HK1: variants seen among roughly 807,000 people sequenced by gnomAD.
HK1 encodes hexokinase 1, also known as hexokinase-1.
HK1 carries 28 observed loss-of-function variants against 91.6 expected under a neutral mutation model. The ratio of observed to expected loss-of-function variants is 0.31; its 90% CI spans 0.23 to 0.42. HK1 has a LOEUF of 0.42. HK1 is among the 10% of genes least tolerant of loss of function. The pLI is 1.00. For missense variants in HK1, 770 were observed against 1,219.8 expected (o/e 0.63, Z 5.49); for synonymous variants, 430 against 468.1 (o/e 0.92, Z 1.05).
intron 1 of HK1, among the ~76,000 whole-genome samples, chr10:69,281,669 T>C (rs1368353824): frequency 6.6e-6 from 1 of 152,218 alleles, no homozygotes; most frequent in African/African-American, 2.4e-5. Context: ...CTCCAGAGAA[T>C]GTAAGCTCCA....
At chr10:69,300,841 A>G in exon 5 of HK1, 1 of 1,602,178 alleles carries the variant, frequency 6.2e-7, no homozygotes, top group Non-Finnish European at 8.6e-7. Flanking sequence ...AAAGATGGCA[A>G]AAAGAGCCCT....
intron 1 of HK1, among the ~76,000 whole-genome samples, chr10:69,331,714 A>G (rs934914299): frequency 4.6e-5 from 7 of 151,460 alleles, no homozygotes; most frequent in African/African-American, 1.7e-4. Context: ...ATCTCTGCAA[A>G]TAATTAAAAA....
chr10:69,338,495 T>C (rs1848111687), intron 1 of HK1: 2 of 1,287,890 alleles, frequency 1.6e-6, no homozygotes, highest in Non-Finnish European at 2.0e-6. Flanking sequence ...TGTCTTCTGA[T>C]AGATGGTCCA....
chr10:69,300,092 G>A (rs1303789797), intron 4 of HK1, among the ~76,000 whole-genome samples: 4 of 151,664 alleles, frequency 2.6e-5, no homozygotes, highest in African/African-American at 9.8e-5. Flanking sequence ...GAGCCACCAT[G>A]CCCGGCTGTT....
chr10:69,272,552 C>CT (rs1844222118), intron 1 of HK1, among the ~76,000 whole-genome samples: 2 of 152,012 alleles, frequency 1.3e-5, no homozygotes, highest in Admixed American at 1.3e-4. Context: ...TAGTTTGGTA[C>CT]TTTTTTCCTC....
At chr10:69,332,779 A>G (rs1847802737) in intron 1 of HK1, among the ~76,000 whole-genome samples, 1 of 152,132 alleles carries the variant, frequency 6.6e-6, no homozygotes, top group Admixed American at 6.5e-5. Flanking sequence ...TGGAAAGTGT[A>G]CACAACTGTA....
chr10:69,351,910 T>C (rs77602252), intron 2 of HK1, among the ~76,000 whole-genome samples: 10,576 of 152,194 alleles, frequency 0.069, 616 homozygotes, highest in South Asian at 0.2. Context: ...AGCTGATGGA[T>C]GGTCAAATAA....
chr10:69,367,675 C>A (rs1176200435), intron 4 of HK1, among the ~76,000 whole-genome samples: 1 of 151,934 alleles, frequency 6.6e-6, no homozygotes, highest in Non-Finnish European at 1.5e-5. Flanking sequence ...GGCCCATGTG[C>A]TCAGAATGCT....
intron 17 of HK1, among the ~76,000 whole-genome samples, chr10:69,400,339 C>A (rs2132982547): frequency 6.6e-6 from 1 of 152,326 alleles, no homozygotes; most frequent in East Asian, 1.9e-4. Context: ...TCAGCCTGGC[C>A]CTGCCCTTCA....
intron 2 of HK1, among the ~76,000 whole-genome samples, chr10:69,357,009 G>C (rs930061895): frequency 1.3e-5 from 2 of 151,888 alleles, no homozygotes; most frequent in African/African-American, 2.4e-5. Context: ...TTAGTCATCA[G>C]AGAAATGCAA....
At chr10:69,382,843 A>G (rs778453585) in intron 10 of HK1, 52 bp downstream of exon 10, 13 of 1,577,232 alleles carry the variant, frequency 8.2e-6, no homozygotes, top group Non-Finnish European at 1.0e-5. Flanking sequence ...CCAGGAACTG[A>G]GCCGCAGTGG....
chr10:69,325,033 C>G lies in HK1; in HGVS notation c.63+6023C>G, dbSNP rs577736845. ...AAGGTGGAGTCAAAATTAATTGTCA[C>G]AAAAATGTGTATTTTTTTTTTTTTT... On this transcript the variant is annotated intron_variant, in intron 1 of 17. Coordinates refer to ENST00000359426, the MANE Select transcript of HK1 (RefSeq NM_000188.3). 2.8e-3 allele frequency among the ~76,000 whole-genome samples: 414 copies of G among 146,046 alleles called. 2 individuals are homozygous for G. Among genetic ancestry groups the G allele is most frequent in the African/African-American group, 0.01 (401 of 39,656 alleles).
At chr10:69,368,772 A>G (rs1849836774) in intron 5 of HK1, 141 bp downstream of exon 5, 4 of 729,794 alleles carry the variant, frequency 5.5e-6, no homozygotes, top group South Asian at 4.4e-5. Context: ...GAGGGCTCAC[A>G]GTGTGGAATG....
In HK1 at chr10:69,369,654, A is replaced by T; in HGVS notation, c.875+30A>T. On this transcript the variant is annotated intron_variant, in intron 7 of 17. Transcript: ENST00000359426. The surrounding 1 kb of genome is among the most constrained non-coding windows in gnomAD (Gnocchi z 4.4). ...GTCCTTGACTTTTGCTTCTAACCAC[A>T]TATGTGAGTTAGGGGACATTTGATG... 6.3e-7 allele frequency: 1 copy of T among 1,594,674 alleles called. No individual in the cohort carries two copies. The highest frequency in any genetic ancestry group is 8.6e-7 in the Non-Finnish European group (1 of 1,165,366).
chr10:69,330,567 A>G (rs1185298428), intron 1 of HK1, among the ~76,000 whole-genome samples: 2 of 152,182 alleles, frequency 1.3e-5, no homozygotes, highest in African/African-American at 4.8e-5. Context: ...GGTTCAGGAC[A>G]TACTATCCCC....
intron 2 of HK1, among the ~76,000 whole-genome samples, chr10:69,350,602 C>A (rs1265519580): frequency 6.6e-6 from 1 of 151,918 alleles, no homozygotes; most frequent in African/African-American, 2.4e-5. Context: ...TTGGAGGTTG[C>A]AGTGAACCAA....
At chr10:69,314,857 A>G (rs192387189), upstream of HK1, among the ~76,000 whole-genome samples, 29 of 152,216 alleles carry the variant, frequency 1.9e-4, no homozygotes, top group African/African-American at 6.7e-4. Flanking sequence ...TAGTAGAGAC[A>G]GGGTTTCACT....
intron 2 of HK1, 121 bp downstream of exon 2, chr10:69,344,110 CCCAT>C (rs149581082): frequency 1.4e-4 from 140 of 982,558 alleles, no homozygotes; most frequent in Middle Eastern, 2.1e-4. Context: ...AATCTGCTCT[CCCAT>C]CCATCCATCC....
chr10:69,388,437 ACT>A (rs35385375), intron 13 of HK1, among the ~76,000 whole-genome samples: 48,343 of 151,636 alleles, frequency 0.32, 8,123 homozygotes, highest in South Asian at 0.46. Context: ...ACAGAGCAAG[ACT>A]CTGTCTCTTA....
Sources: gnomAD v4.1 joint callset for allele counts (sites outside exome capture counted in the v4.1 genomes callset) on GRCh38, gnomAD v4.1.1 for gene constraint, Gnocchi (gnomAD v3.1) non-coding constraint, MANE v1.5 for transcripts, NCBI Gene and HGNC (gene_info 2026-07-23, HGNC 2026-07-21) for gene names.